The following TTBK2 variants were observed in gnomAD, a reference collection of about 807,000 sequenced individuals.
TTBK2 encodes tau-tubulin kinase 2.
Under a neutral mutation model 110.8 loss-of-function variants are expected in TTBK2, and 28 were observed. The observed-to-expected ratio is 0.25, with a 90% CI of 0.19 to 0.35. The LOEUF is 0.35. Among genes scored for constraint, TTBK2 ranks in the 10% least tolerant of loss-of-function variants. The pLI is 1.00. For synonymous variants in TTBK2, 532 were observed against 527.3 expected (o/e 1.01, Z -0.12); for missense variants, 1,369 against 1,500.3 (o/e 0.91, Z 1.45).
intron 6 of TTBK2, among the ~76,000 whole-genome samples, chr15:42,817,830 T>C (rs546203274): frequency 8.5e-5 from 13 of 152,190 alleles, no homozygotes; most frequent in Admixed American, 2.0e-4. Context: ...CACACGATTC[T>C]CTCCAGCTGG....
intron 5 of TTBK2, among the ~76,000 whole-genome samples, chr15:42,828,806 C>T (rs1265825140): frequency 6.6e-6 from 1 of 150,926 alleles, no homozygotes; most frequent in Non-Finnish European, 1.5e-5. Context: ...TCTATAGAAA[C>T]ATTTCAAAAC....
chr15:42,902,072 C>T (rs2030060627), intron 1 of TTBK2, among the ~76,000 whole-genome samples: 1 of 150,864 alleles, frequency 6.6e-6, no homozygotes, highest in African/African-American at 2.4e-5. Context: ...AAAAATTAGC[C>T]AGGCGTGGTA....
intron 1 of TTBK2, among the ~76,000 whole-genome samples, chr15:42,918,549 T>G (rs1001286088): frequency 5.3e-5 from 8 of 152,192 alleles, no homozygotes; most frequent in Non-Finnish European, 1.0e-4. Flanking sequence ...AAATTTAAAT[T>G]CCATGATCAC....
intron 7 of TTBK2, among the ~76,000 whole-genome samples, chr15:42,816,452 T>G (rs991084869): frequency 1.3e-5 from 2 of 152,052 alleles, no homozygotes; most frequent in Non-Finnish European, 2.9e-5. Flanking sequence ...TATACTTAGC[T>G]ATCGTCTTTT....
At chr15:42,778,239 T>C (rs79408076) in intron 11 of TTBK2, among the ~76,000 whole-genome samples, 4 of 150,812 alleles carry the variant, frequency 2.7e-5, no homozygotes, top group East Asian at 1.9e-4. Flanking sequence ...AATTAAATGA[T>C]TGATTAACTT....
At chr15:42,790,978 T>G (rs966587278) in intron 10 of TTBK2, among the ~76,000 whole-genome samples, 6 of 151,954 alleles carry the variant, frequency 3.9e-5, no homozygotes, top group Non-Finnish European at 5.9e-5. Context: ...CCACCTCCCG[T>G]GTTCACGCCA....
At chr15:42,770,044 T>A (rs967543310) in intron 13 of TTBK2, among the ~76,000 whole-genome samples, 1 of 145,510 alleles carries the variant, frequency 6.9e-6, no homozygotes, top group African/African-American at 2.6e-5. Context: ...TAGGTGGGAA[T>A]TGAACAATGA....
chr15:42,789,847 C>CA (rs1246779201), intron 10 of TTBK2, among the ~76,000 whole-genome samples: 1 of 47,788 alleles, frequency 2.1e-5, no homozygotes, highest in African/African-American at 6.8e-5. Context: ...TATACAAATA[C>CA]ATACAATACA....
At chr15:42,778,224 T>C (rs1890015504) in intron 11 of TTBK2, among the ~76,000 whole-genome samples, 1 of 151,668 alleles carries the variant, frequency 6.6e-6, no homozygotes, top group African/African-American at 2.4e-5. Flanking sequence ...CAAAGGGTTA[T>C]TTGGAATTAA....
intron 3 of TTBK2, among the ~76,000 whole-genome samples, chr15:42,872,164 C>G (rs938892554): frequency 1.3e-5 from 2 of 152,160 alleles, no homozygotes; most frequent in African/African-American, 4.8e-5. Flanking sequence ...TATGAATCAA[C>G]ATATAATCAA....
At chr15:42,881,282 C>CA (rs10717895) in intron 1 of TTBK2, among the ~76,000 whole-genome samples, 1,677 of 43,130 alleles carry the variant, frequency 0.039, 70 homozygotes, top group Admixed American at 0.088. Context: ...GCTTCCGTCT[C>CA]AAAAAAAAAA....
At chr15:42,871,409 C>A in intron 3 of TTBK2, 1 of 982,900 alleles carries the variant, frequency 1.0e-6, no homozygotes, top group Non-Finnish European at 1.2e-6. Context: ...GCAGGAGAAC[C>A]TCCTGAAGGG....
At chr15:42,829,575 G>C (rs562362845) in intron 5 of TTBK2, among the ~76,000 whole-genome samples, 186 of 152,304 alleles carry the variant, frequency 1.2e-3, no homozygotes, top group Middle Eastern at 3.4e-3. Flanking sequence ...CCAGGCTGGA[G>C]TGCAGTGGCT....
chr15:42,909,265 C>T (rs527852859), intron 1 of TTBK2, among the ~76,000 whole-genome samples: 1 of 152,222 alleles, frequency 6.6e-6, no homozygotes, highest in Non-Finnish European at 1.5e-5. Context: ...CCTCGCCTTC[C>T]AAATAGCTGG....
rs898100266 is a variant in TTBK2, at chr15:42,840,356, C to A, written c.291+4G>T. The A allele has an allele frequency of 1.9e-6, 3 of 1,613,134 alleles. No homozygotes were observed. Among genetic ancestry groups the A allele is most frequent in the Admixed American group, 3.3e-5 (2 of 59,970 alleles). On this transcript the variant is annotated splice_donor_region_variant and intron_variant, in intron 4 of 14. Coordinates refer to ENST00000267890, the MANE Select transcript of TTBK2 (RefSeq NM_173500.4). ...TTTAAAGATACGTTTTCAAGGTAAC[C>A]TACCTGCAACTGCATGACCACATAG...
At chr15:42,837,141 C>G (rs781163880) in intron 4 of TTBK2, among the ~76,000 whole-genome samples, 5 of 152,018 alleles carry the variant, frequency 3.3e-5, no homozygotes, top group African/African-American at 1.2e-4. Context: ...GGGCAGATCA[C>G]CTTAGGTCAG....
chr15:42,753,173 C>G lies in TTBK2; in HGVS notation c.2073G>C (p.Glu691Asp). Residue 691 changes from glutamate (E) to aspartate (D), a missense_variant, in exon 14 of 15, where the codon GAG becomes GAC. Glu to Asp is a conservative substitution (Grantham distance 45). Around this residue, in one of 4 missense-constraint regions of TTBK2, gnomAD observed 1,097 missense variants for 1,114.7 expected, o/e 0.98. Coordinates refer to ENST00000267890, the MANE Select transcript of TTBK2 (RefSeq NM_173500.4). ...SGSFHCGQQPEKKDLQPMEPT... is the reference protein window; with the variant it reads ...SGSFHCGQQPDKKDLQPMEPT... ...GCTCCATGGGCTGAAGATCTTTCTTCTCTGGCTGCTGACCACAGTGAAAGC... is the reference window on the plus strand; with the variant it reads ...GCTCCATGGGCTGAAGATCTTTCTTGTCTGGCTGCTGACCACAGTGAAAGC... 1 of 1,606,202 alleles carries G rather than the reference C, an allele frequency of 6.2e-7. No homozygotes were observed. Among genetic ancestry groups the G allele is most frequent in the Non-Finnish European group, 8.5e-7 (1 of 1,177,920 alleles).
intron 13 of TTBK2, among the ~76,000 whole-genome samples, chr15:42,774,529 T>C (rs1889816374): frequency 2.0e-5 from 3 of 152,030 alleles, no homozygotes; most frequent in Admixed American, 2.0e-4. Flanking sequence ...GTATCATAAA[T>C]GCCGCCTCTA....
At position 42,752,989 on chromosome 15, in the gene TTBK2, C is replaced by G; in HGVS notation, c.2257G>C (p.Asp753His). The change falls in exon 14 of 15, where the codon GAC becomes CAC. Residue 753 changes from aspartate (D) to histidine (H), a missense_variant. Coordinates refer to ENST00000267890, the MANE Select transcript of TTBK2 (RefSeq NM_173500.4). Reference sequence around the variant, plus strand: ...TCAGGAAGTTCTTTTGGTCCCAGGTCTTGAGATTTGTTACTTTCTCTAATG... The same window carrying G: ...TCAGGAAGTTCTTTTGGTCCCAGGTGTTGAGATTTGTTACTTTCTCTAATG... The part of the protein sequence containing the change: ...PNIRESNKSQ[D>H]LGPKELPDHN... 6.2e-7 allele frequency: 1 copy of G among 1,614,176 alleles called. No homozygotes were observed. Among genetic ancestry groups the G allele is most frequent in the Middle Eastern group, 1.6e-4 (1 of 6,062 alleles).
Sources: gnomAD v4.1 joint callset for allele counts (sites outside exome capture counted in the v4.1 genomes callset) on GRCh38, gnomAD v4.1.1 for gene constraint, gnomAD v4.1.1 regional missense constraint, MANE v1.5 for transcripts, NCBI Gene and HGNC (gene_info 2026-07-23, HGNC 2026-07-21) for gene names.